Variants in THOC2 observed in about 807,000 individuals in gnomAD.
THOC2 encodes the protein THO complex subunit 2.
A neutral mutation model predicts 128.4 loss-of-function variants in THOC2; 10 were observed. The ratio of observed to expected loss-of-function variants is 0.08; its 90% CI spans 0.05 to 0.13. The LOEUF is 0.13. Among genes scored for constraint, THOC2 ranks in the 10% least tolerant of loss-of-function variants. The pLI, the probability that THOC2 is intolerant of heterozygous loss-of-function variation, is 1.00. For synonymous variants in THOC2, 393 were observed against 396.9 expected (o/e 0.99, Z 0.12); for missense variants, 535 against 1,155.7 (o/e 0.46, Z 7.79).
chrX:123,619,351 G>A, intron 33 of THOC2, 50 bp downstream of exon 33: 1 of 844,617 alleles, frequency 1.2e-6, no homozygotes. Context: ...AATAAAATAA[G>A]TAAAGAACAT....
At chrX:123,732,840 C>A (rs929729882) in intron 1 of THOC2, 112 bp downstream of exon 1, 67 of 852,128 alleles carry the variant, frequency 7.9e-5, no homozygotes, top group Non-Finnish European at 1.1e-4. Context: ...GCCCGCCGCC[C>A]GGGTGGGGGA....
intron 38 of THOC2, among the ~76,000 whole-genome samples, chrX:123,610,599 A>G (rs932889685): frequency 1.8e-5 from 2 of 111,813 alleles, no homozygotes; most frequent in Non-Finnish European, 3.8e-5. Flanking sequence ...ACCACCATTT[A>G]CAAGGCAATA....
chrX:123,730,930 C>T (rs1216016992), intron 1 of THOC2, among the ~76,000 whole-genome samples: 1 of 111,326 alleles, frequency 9.0e-6, no homozygotes, highest in Non-Finnish European at 1.9e-5. Flanking sequence ...GGCGACAGAG[C>T]GAGACTCCGT....
chrX:123,718,758 CA>C (rs904664874), intron 1 of THOC2, among the ~76,000 whole-genome samples: 13 of 98,150 alleles, frequency 1.3e-4, no homozygotes, highest in Middle Eastern at 5.2e-3. Context: ...GACTCTGTCT[CA>C]AAAAAAAAAA....
intron 2 of THOC2, among the ~76,000 whole-genome samples, chrX:123,707,926 G>T (rs1463927341): frequency 9.5e-6 from 1 of 104,976 alleles, no homozygotes; most frequent in Admixed American, 1.0e-4. Context: ...CTAGGAGTTC[G>T]AAACCAGCCT....
chrX:123,629,448 A>T (rs2047394915), intron 22 of THOC2, among the ~76,000 whole-genome samples: 1 of 111,243 alleles, frequency 9.0e-6, no homozygotes, highest in Non-Finnish European at 1.9e-5. Flanking sequence ...ACGTAACCCA[A>T]AACGAGATGA....
At chrX:123,603,409 A>T in intron 38 of THOC2, 1 of 345,719 alleles carries the variant, frequency 2.9e-6, no homozygotes, top group Non-Finnish European at 5.0e-6. Context: ...CCTGGAGGCG[A>T]TTTCCTCTCC....
chrX:123,635,410 T>A (rs966392018), intron 19 of THOC2, among the ~76,000 whole-genome samples: 1 of 111,906 alleles, frequency 8.9e-6, no homozygotes, highest in Non-Finnish European at 1.9e-5. Flanking sequence ...TAATACTTGT[T>A]TGGAACACCA....
At position 123,606,003 on chromosome X, in the gene THOC2, A is replaced by T. The variant is rs746832845; in HGVS notation, c.*19-4665T>A. 5.4e-5 allele frequency among the ~76,000 whole-genome samples: 6 copies of T among 111,779 alleles called. No homozygotes were observed. The South Asian group carries it at 2.3e-3, about 42-fold the overall frequency. On this transcript the variant is annotated intron_variant, in intron 38 of 38. Transcript: ENST00000245838. ...AGACAAGTCTAGCTGAAATCAGGAC[A>T]TAATGATGCTATGCAGAAATCAGAA...
At chrX:123,684,694 G>C (rs139008526) in intron 8 of THOC2, among the ~76,000 whole-genome samples, 1,161 of 111,973 alleles carry the variant, frequency 0.01, 17 homozygotes, top group African/African-American at 0.035. Context: ...AGCCGCCACT[G>C]CTCATTTTTG....
intron 19 of THOC2, among the ~76,000 whole-genome samples, chrX:123,635,197 C>T (rs2047629689): frequency 9.0e-6 from 1 of 110,706 alleles, no homozygotes; most frequent in Admixed American, 9.7e-5. Flanking sequence ...TAGATGGTCA[C>T]AAAAACTGTA....
intron 15 of THOC2, among the ~76,000 whole-genome samples, chrX:123,641,899 G>A (rs1481267176): frequency 1.8e-5 from 2 of 111,847 alleles, no homozygotes; most frequent in Non-Finnish European, 3.8e-5. Context: ...TATGCTCAAT[G>A]TAAAAACTTC....
intron 25 of THOC2, among the ~76,000 whole-genome samples, chrX:123,625,231 A>G: frequency 9.1e-6 from 1 of 110,387 alleles, no homozygotes; most frequent in Non-Finnish European, 1.9e-5. Context: ...AGCTGGGACT[A>G]CAGGCACCCA....
At chrX:123,657,671 C>T (rs978302173) in intron 12 of THOC2, among the ~76,000 whole-genome samples, 1 of 109,792 alleles carries the variant, frequency 9.1e-6, no homozygotes, top group African/African-American at 3.3e-5. Flanking sequence ...ATTCTGGACC[C>T]TGTGAAATTA....
At chrX:123,732,432 C>T (rs970058781) in intron 1 of THOC2, among the ~76,000 whole-genome samples, 1 of 112,221 alleles carries the variant, frequency 8.9e-6, no homozygotes, top group African/African-American at 3.2e-5. Context: ...CGCGGCGCCC[C>T]GGGCTTCGCG....
intron 6 of THOC2, among the ~76,000 whole-genome samples, 171 bp from the exon 7 acceptor site, chrX:123,696,325 T>C (rs1354266173): frequency 1.8e-5 from 2 of 111,482 alleles, no homozygotes; most frequent in African/African-American, 3.3e-5. Context: ...ATAACAGTGA[T>C]TCATATGAGA....
Position 123,608,674 on chromosome X carries a change from A to G in THOC2, c.*18+2244T>C, listed in dbSNP as rs140749507. On this transcript the variant is annotated intron_variant, in intron 38 of 38. Coordinates refer to ENST00000245838, the MANE Select transcript of THOC2 (RefSeq NM_001081550.2). ...TCACCAGGAGAATCACCTGGAAGGC[A>G]GAGGTTGCAGTGATCCAAGATCGCA... 5.7e-3 allele frequency among the ~76,000 whole-genome samples: 635 copies of G among 111,928 alleles called. 4 individuals are homozygous for G. Among genetic ancestry groups the G allele is most frequent in the Middle Eastern group, 0.023 (5 of 215 alleles).
At chrX:123,619,544 G>T in intron 32 of THOC2, 108 bp from the exon 33 acceptor site, 1 of 885,448 alleles carries the variant, frequency 1.1e-6, no homozygotes, top group Non-Finnish European at 1.6e-6. Flanking sequence ...TACTTCTTGT[G>T]AGGATAAATT....
chrX:123,671,916 A>G, intron 8 of THOC2, among the ~76,000 whole-genome samples, 155 bp from the exon 9 acceptor site: 1 of 112,395 alleles, frequency 8.9e-6, no homozygotes, highest in Non-Finnish European at 1.9e-5. Context: ...ATCTGAATTC[A>G]GTACAAGGAT....
Sources: gnomAD v4.1 joint callset for allele counts (sites outside exome capture counted in the v4.1 genomes callset) on GRCh38, gnomAD v4.1.1 for gene constraint, MANE v1.5 for transcripts, NCBI Gene and HGNC (gene_info 2026-07-23, HGNC 2026-07-21) for gene names.